The following SLIT3 variants were observed in gnomAD, a reference collection of about 807,000 sequenced individuals.
SLIT3 encodes the protein slit guidance ligand 3.
A neutral mutation model predicts 184.0 loss-of-function variants in SLIT3; 68 were observed. The ratio of observed to expected loss-of-function variants is 0.37; its 90% CI spans 0.30 to 0.45. SLIT3 has a LOEUF of 0.45. Ranked by LOEUF, SLIT3 falls within the 20% of genes least tolerant of loss-of-function variation. SLIT3 has a pLI of 1.00. For synonymous variants in SLIT3, 831 were observed against 828.6 expected, an observed-to-expected ratio of 1.00 and a Z score of -0.05; for missense variants, 1,707 against 2,026.0, an observed-to-expected ratio of 0.84 and a Z score of 3.02.
chr5:168,830,504 A>G (rs2113685196), intron 6 of SLIT3, among the ~76,000 whole-genome samples: 1 of 152,324 alleles, frequency 6.6e-6, no homozygotes, highest in East Asian at 1.9e-4. Flanking sequence ...CTAATGAGCT[A>G]GACTAGTCAA....
Position 168,724,409 on chromosome 5 carries a change from T to TC in SLIT3, c.2339+6dup. On this transcript the variant is annotated splice_region_variant and intron_variant, in intron 21 of 35. Coordinates refer to ENST00000519560, the MANE Select transcript of SLIT3 (RefSeq NM_003062.4). ...ATAAACATCCCACCCAATACTGGGCTCCTTACATAAGCGTCAGGTGTCGGA... is the reference window on the plus strand; with the variant it reads ...ATAAACATCCCACCCAATACTGGGCTCCCTTACATAAGCGTCAGGTGTCGGA... The TC allele has an allele frequency of 6.2e-7, 1 of 1,611,394 alleles. No individual in the cohort carries two copies. Among genetic ancestry groups the TC allele is most frequent in the South Asian group, 1.1e-5 (1 of 90,880 alleles).
intron 8 of SLIT3, among the ~76,000 whole-genome samples, chr5:168,815,688 C>A (rs56704737): frequency 0.13 from 19,921 of 152,150 alleles, 1,726 homozygotes; most frequent in South Asian, 0.3. Flanking sequence ...GGTAAAATAA[C>A]AACATGACAG....
intron 4 of SLIT3, chr5:169,012,537 C>A (rs1363643100): frequency 1.3e-5 from 2 of 152,144 alleles, no homozygotes; most frequent in South Asian, 4.1e-4. Context: ...TTAAGGGCCT[C>A]GTTAAAATTT....
chr5:168,746,250 G>C (rs1264994618), intron 20 of SLIT3, among the ~76,000 whole-genome samples: 2 of 128,574 alleles, frequency 1.6e-5, no homozygotes, highest in African/African-American at 3.0e-5. Flanking sequence ...TCAAAGTCAA[G>C]CATCAGATGT....
intron 4 of SLIT3, among the ~76,000 whole-genome samples, chr5:169,117,078 G>T (rs557713196): frequency 6.6e-6 from 1 of 152,318 alleles, no homozygotes; most frequent in East Asian, 1.9e-4. Flanking sequence ...GTCAGAGGCT[G>T]CCCCAAGTCT....
intron 4 of SLIT3, among the ~76,000 whole-genome samples, chr5:169,048,530 A>G (rs970333496): frequency 6.6e-6 from 1 of 152,190 alleles, no homozygotes; most frequent in Non-Finnish European, 1.5e-5. Flanking sequence ...ACCAGCCACA[A>G]CAGAAGTCAG....
chr5:168,840,709 A>C (rs1309798240), intron 6 of SLIT3, among the ~76,000 whole-genome samples: 1 of 152,220 alleles, frequency 6.6e-6, no homozygotes, highest in African/African-American at 2.4e-5. Context: ...AAGGGCAATG[A>C]TTTGAGTAAC....
intron 14 of SLIT3, among the ~76,000 whole-genome samples, chr5:168,763,590 T>C (rs561781134): frequency 6.6e-6 from 1 of 152,226 alleles, no homozygotes; most frequent in African/African-American, 2.4e-5. Flanking sequence ...AGTTGCACAG[T>C]AATGGTAATG....
At chr5:169,208,063 T>C (rs1363308583) in intron 3 of SLIT3, among the ~76,000 whole-genome samples, 5 of 152,108 alleles carry the variant, frequency 3.3e-5, no homozygotes, top group Non-Finnish European at 7.4e-5. Context: ...TTTGCTTACC[T>C]GGGGGCAAAC....
At chr5:168,969,809 C>G (rs1193372992) in intron 4 of SLIT3, among the ~76,000 whole-genome samples, 2 of 152,224 alleles carry the variant, frequency 1.3e-5, no homozygotes, top group Non-Finnish European at 2.9e-5. Flanking sequence ...CTTTGGGGCT[C>G]TCAAAACTAA....
chr5:168,823,137 A>G, intron 7 of SLIT3, 123 bp downstream of exon 7: 2 of 828,430 alleles, frequency 2.4e-6, no homozygotes, highest in Admixed American at 1.7e-5. Flanking sequence ...CAGAAGGAGG[A>G]ATTTGAATGT....
intron 32 of SLIT3, among the ~76,000 whole-genome samples, chr5:168,678,915 C>A (rs1377990035): frequency 6.6e-6 from 1 of 152,142 alleles, no homozygotes; most frequent in Non-Finnish European, 1.5e-5. Flanking sequence ...GAGGGTCTTC[C>A]TCATTATCTA....
chr5:168,892,081 C>T (rs1581184610), intron 4 of SLIT3, among the ~76,000 whole-genome samples: 1 of 152,262 alleles, frequency 6.6e-6, no homozygotes, highest in African/African-American at 2.4e-5. Flanking sequence ...TAGAATGGCG[C>T]TGTCCCACGG....
intron 28 of SLIT3, among the ~76,000 whole-genome samples, chr5:168,694,521 T>G (rs1761995523): frequency 6.6e-6 from 1 of 152,216 alleles, no homozygotes; most frequent in Non-Finnish European, 1.5e-5. Flanking sequence ...ACAATTCCGC[T>G]CTCAGAAGAT....
chr5:168,775,769 C>G (rs1448266135), intron 12 of SLIT3, among the ~76,000 whole-genome samples: 1 of 152,138 alleles, frequency 6.6e-6, no homozygotes, highest in African/African-American at 2.4e-5. Flanking sequence ...GCCTTCCTAT[C>G]CATGAGGAAG....
chr5:168,835,783 C>T (rs1460287455), intron 6 of SLIT3, among the ~76,000 whole-genome samples: 4 of 150,992 alleles, frequency 2.6e-5, no homozygotes, highest in African/African-American at 9.8e-5. Context: ...TGCACTCCAG[C>T]CTGGGTGACA....
intron 4 of SLIT3, among the ~76,000 whole-genome samples, chr5:169,147,569 A>G (rs1004408590): frequency 5.3e-5 from 8 of 152,208 alleles, no homozygotes; most frequent in African/African-American, 1.9e-4. Context: ...ATAAATCAAT[A>G]TTTGATGGTG....
chr5:169,140,456 G>GCC (rs1761683374), intron 4 of SLIT3, among the ~76,000 whole-genome samples: 1 of 138,068 alleles, frequency 7.2e-6, no homozygotes, highest in African/African-American at 2.7e-5. Flanking sequence ...CTCTGGCCTG[G>GCC]GCAACAAGAG....
chr5:168,774,288 CTTG>C lies in SLIT3; in HGVS notation c.1239_1241del (p.Asn413del). 1 of 1,614,084 alleles carries C rather than the reference CTTG, an allele frequency of 6.2e-7. No individual in the cohort carries two copies. Among genetic ancestry groups the C allele is most frequent in the Non-Finnish European group, 8.5e-7 (1 of 1,179,978 alleles). ...AGAGCCCCTTGCTGATGGTCTGCAG[CTTG>C]TTGTCATACAGGGAGAGCAAGTTGA... On this transcript the variant is annotated inframe_deletion, in exon 13 of 36. Transcript: ENST00000519560.
Sources: allele counts gnomAD v4.1 joint callset (sites outside exome capture counted in the v4.1 genomes callset), GRCh38; gene constraint gnomAD v4.1.1; transcripts MANE v1.5; gene names NCBI Gene and HGNC (gene_info 2026-07-23, HGNC 2026-07-21).